Variants in CATSPERG observed in about 807,000 individuals in gnomAD.
CATSPERG encodes the protein catsper channel auxiliary subunit gamma.
A neutral mutation model predicts 145.0 loss-of-function variants in CATSPERG; 115 were observed. The ratio of observed to expected loss-of-function variants is 0.79; its 90% CI spans 0.68 to 0.93. The LOEUF (loss-of-function observed/expected upper bound fraction) is 0.93, where lower values mean the gene tolerates loss of function less well. Ranked by LOEUF, CATSPERG falls within the 40% of genes least tolerant of loss-of-function variation. The pLI, the probability that CATSPERG is intolerant of heterozygous loss-of-function variation, is 0.00. For synonymous variants in CATSPERG, 588 were observed against 589.0 expected (o/e 1.00, Z 0.02); for missense variants, 1,296 against 1,490.1 (o/e 0.87, Z 2.14).
At position 38,368,064 on chromosome 19, in the gene CATSPERG, TGGACCACGAGGACCACAA is replaced by T. The variant is rs755163531; in HGVS notation, c.2955_2972del (p.Arg986_Thr991del). ...CCTGCACAGGACCAACAGCCTTATCTGGACCACGAGGACCACAAGGACCACCAAAGACTCAGCCTTTCA... is the reference window on the plus strand; with the variant it reads ...CCTGCACAGGACCAACAGCCTTATCTGGACCACCAAAGACTCAGCCTTTCA... On this transcript the variant is annotated inframe_deletion, in exon 26 of 29. Coordinates refer to ENST00000409235, the MANE Select transcript of CATSPERG (RefSeq NM_021185.5). 1 of 1,614,096 alleles carries T rather than the reference TGGACCACGAGGACCACAA, an allele frequency of 6.2e-7. No individual in the cohort carries two copies. The highest frequency in any genetic ancestry group is 1.1e-5 in the South Asian group (1 of 91,086).
Position 38,362,215 on chromosome 19 carries a change from C to T in CATSPERG, c.2100C>T (p.Tyr700=), listed in dbSNP as rs1358729021. The change falls in exon 18 of 29, where the codon TAC becomes TAT. Residue 700 remains tyrosine (Y), a synonymous_variant. Transcript: ENST00000409235. ...LWLHSVYDKP[Y]ADPVHDPTWR... is the part of the protein sequence containing the mutation. ...GTGCCGGGCGATCCCTGCAGCCGTA[C>T]GCGGACCCGGTGCACGACCCCACCT... 1 of 1,597,568 alleles carries T rather than the reference C, an allele frequency of 6.3e-7. No homozygotes were observed. The highest frequency in any genetic ancestry group is 1.1e-5 in the South Asian group (1 of 89,620).
chr19:38,349,908 G>A (rs376144905), intron 7 of CATSPERG, among the ~76,000 whole-genome samples: 4 of 151,900 alleles, frequency 2.6e-5, no homozygotes, highest in Non-Finnish European at 5.9e-5. Flanking sequence ...CAAATGATCT[G>A]CCCGCCTTGG....
chr19:38,362,865 GGTTTTGTTT>G, intron 20 of CATSPERG, 33 bp downstream of exon 20: 1 of 960,004 alleles, frequency 1.0e-6, no homozygotes, highest in Non-Finnish European at 1.6e-6. Context: ...GATCAAGGGA[GGTTTTGTTT>G]TTTTTTTTTT....
At chr19:38,355,690 GT>G (rs1384529651) in intron 9 of CATSPERG, among the ~76,000 whole-genome samples, 1 of 152,124 alleles carries the variant, frequency 6.6e-6, no homozygotes, top group Non-Finnish European at 1.5e-5. Context: ...GAGTGAGACT[GT>G]CTTAATAATA....
rs1482535944 is a variant in CATSPERG at position 38,360,562 on chromosome 19, G to A, written c.1682G>A (p.Ser561Asn). The A allele has an allele frequency of 2.5e-6, 4 of 1,614,200 alleles. No individual in the cohort carries two copies. The South Asian group carries it at 3.3e-5, about 13-fold the overall frequency. ...TCCAAGGGCTGGCAGGTGCACATCA[G>A]CTTAAAGCTGATGCAACAGTCCTCT... is the stretch of plus-strand genomic sequence containing the variant. ...FPSKGWQVHI[S>N]LKLMQQSSLY... The change falls in exon 15 of 29, where the codon AGC becomes AAC. Residue 561 changes from serine to asparagine, a missense_variant. Transcript: ENST00000409235.
intron 6 of CATSPERG, among the ~76,000 whole-genome samples, chr19:38,344,901 A>ATTTTTTTT (rs1158525255): frequency 1.2e-5 from 1 of 80,018 alleles, no homozygotes; most frequent in African/African-American, 4.8e-5. Flanking sequence ...ATATATATAT[A>ATTTTTTTT]TTTTTTTTTT....
chr19:38,360,656 T>A lies in CATSPERG; in HGVS notation c.1767+9T>A. On this transcript the variant is annotated intron_variant, in intron 15 of 28. Transcript: ENST00000409235. Reference sequence around the variant, plus strand: ...ACAGCAAACTGTACCAGGTGCCCGGTGGAGCTATGCGGGGACATCGGGGCA... The same window carrying A: ...ACAGCAAACTGTACCAGGTGCCCGGAGGAGCTATGCGGGGACATCGGGGCA... The A allele has an allele frequency of 6.2e-7, 1 of 1,614,172 alleles. No individual in the cohort carries two copies. The highest frequency in any genetic ancestry group is 1.3e-5 in the African/African-American group (1 of 75,030).
At chr19:38,365,205 G>C (rs973371320) in intron 22 of CATSPERG, 88 bp downstream of exon 22, 80 of 1,133,668 alleles carry the variant, frequency 7.1e-5, no homozygotes, top group Non-Finnish European at 1.0e-4. Context: ...TCCCACTAAT[G>C]CATTCATAAT....
At chr19:38,364,301 A>G (rs1320309932) in intron 20 of CATSPERG, among the ~76,000 whole-genome samples, 1 of 151,626 alleles carries the variant, frequency 6.6e-6, no homozygotes, top group Non-Finnish European at 1.5e-5. Context: ...GGCTGGGCAG[A>G]GACGCTCCTC....
chr19:38,340,107 G>T (rs1375707341), intron 3 of CATSPERG, among the ~76,000 whole-genome samples: 1 of 152,062 alleles, frequency 6.6e-6, no homozygotes, highest in Non-Finnish European at 1.5e-5. Flanking sequence ...ACCTGCCTTG[G>T]CCTCCCAAAG....
intron 7 of CATSPERG, among the ~76,000 whole-genome samples, chr19:38,350,156 A>T (rs902327312): frequency 3.3e-5 from 5 of 152,158 alleles, no homozygotes; most frequent in Admixed American, 2.6e-4. Flanking sequence ...ACTAGTGAGA[A>T]GGGGTCACCT....
chr19:38,364,221 C>T (rs1045078033), intron 20 of CATSPERG, among the ~76,000 whole-genome samples: 5 of 152,034 alleles, frequency 3.3e-5, no homozygotes, highest in African/African-American at 1.2e-4. Context: ...GGCTGCCGGG[C>T]GGAGGGGCTC....
At chr19:38,346,655 G>C (rs764322906) in intron 7 of CATSPERG, 50 bp downstream of exon 7, 5 of 1,499,248 alleles carry the variant, frequency 3.3e-6, no homozygotes, top group Non-Finnish European at 4.5e-6. Flanking sequence ...AGGGAGCTGG[G>C]CCTCAGCCCC....
chr19:38,362,610 G>C (rs912780740), intron 19 of CATSPERG, 36 bp downstream of exon 19: 24 of 1,611,640 alleles, frequency 1.5e-5, no homozygotes, highest in African/African-American at 2.7e-5. Context: ...CGAAGGGCGG[G>C]GCGAGGGCTA....
rs1251907291 is a variant in CATSPERG at position 38,361,570 on chromosome 19, T to C, written c.1881-78T>C. On this transcript the variant is annotated intron_variant, in intron 16 of 28. Coordinates refer to ENST00000409235, the MANE Select transcript of CATSPERG (RefSeq NM_021185.5). ...GATTCGATACGGGAAGTGGGTGGGG[T>C]GGGAAAGAGGCCTGCGGAAGCTTCC... 19 of 1,159,938 alleles carry C rather than the reference T, an allele frequency of 1.6e-5. No homozygotes were observed. In the East Asian group the frequency reaches 4.7e-4, roughly 28 times the overall value. 71.9% of individuals were successfully genotyped at this position (1,159,938 alleles called of 1,614,324 possible). A position where few individuals can be genotyped will look rare whatever the true frequency, so the allele number is the denominator to read the frequency against.
intron 3 of CATSPERG, among the ~76,000 whole-genome samples, chr19:38,338,891 A>C (rs1466710302): frequency 6.6e-6 from 1 of 151,972 alleles, no homozygotes; most frequent in African/African-American, 2.4e-5. Context: ...TTAATTAATT[A>C]ATTTTTGAGA....
At chr19:38,367,964 G>T (rs1970483822) in intron 25 of CATSPERG, 84 bp from the exon 26 acceptor site, 3 of 1,326,204 alleles carry the variant, frequency 2.3e-6, no homozygotes, top group Non-Finnish European at 1.1e-6. Flanking sequence ...CCCACCTGTG[G>T]CCTCCCTCCA....
chr19:38,342,492 C>T (rs1401792745), intron 3 of CATSPERG, among the ~76,000 whole-genome samples: 1 of 151,234 alleles, frequency 6.6e-6, no homozygotes, highest in East Asian at 1.9e-4. Context: ...CCCAGCTACT[C>T]AGGAGGCTGA....
chr19:38,360,317 T>C (rs1970322065), intron 14 of CATSPERG, 172 bp from the exon 15 acceptor site: 1 of 984,750 alleles, frequency 1.0e-6, no homozygotes, highest in Non-Finnish European at 1.2e-6. Flanking sequence ...CTCAGGGAAG[T>C]AGAGCCGTGG....
Sources: gnomAD v4.1 joint callset for allele counts (sites outside exome capture counted in the v4.1 genomes callset) on GRCh38, gnomAD v4.1.1 for gene constraint, MANE v1.5 for transcripts, NCBI Gene and HGNC (gene_info 2026-07-23, HGNC 2026-07-21) for gene names.